Variants in SQLE observed in about 807,000 individuals in gnomAD.
SQLE encodes squalene monooxygenase.
In SQLE, 29 loss-of-function variants were observed where a neutral mutation model predicts 60.7. The observed-to-expected ratio is 0.48, with a 90% CI of 0.36 to 0.65. The LOEUF (loss-of-function observed/expected upper bound fraction) is 0.65. Among genes scored for constraint, SQLE ranks in the 30% least tolerant of loss-of-function variants. The pLI, the probability that SQLE is intolerant of heterozygous loss-of-function variation, is 0.00. For missense variants in SQLE, 605 were observed against 684.1 expected (o/e 0.88, Z 1.29); for synonymous variants, 237 against 246.8 (o/e 0.96, Z 0.37).
At chr8:125,002,844 G>A (rs1814878580) in intron 1 of SQLE, among the ~76,000 whole-genome samples, 1 of 152,166 alleles carries the variant, frequency 6.6e-6, no homozygotes, top group Admixed American at 6.6e-5. Context: ...CCTATAATAA[G>A]TCTTTGAAGC....
chr8:124,998,799 A>AGGCGTCGGCGTC lies in SQLE; in HGVS notation c.-594_-593insCGGCGTCGGCGT, dbSNP rs200396489. Reference sequence around the variant, plus strand: ...GTCCGAGGCCATCTTTTGTTGGAGAAGGCGTCGGCGTTGGCGTTTTCCCGA... The same window carrying AGGCGTCGGCGTC: ...GTCCGAGGCCATCTTTTGTTGGAGAAGGCGTCGGCGTCGGCGTCGGCGTTGGCGTTTTCCCGA... On this transcript the variant is annotated 5_prime_UTR_variant, in exon 1 of 11. Transcript: ENST00000265896. The AGGCGTCGGCGTC allele has an allele frequency of 2.0e-6, 1 of 490,988 alleles. No homozygotes were observed. The highest frequency in any genetic ancestry group is 3.6e-6 in the Non-Finnish European group (1 of 275,470). 30.4% of individuals were successfully genotyped at this position (490,988 alleles called of 1,614,324 possible).
chr8:125,007,009 A>G (rs1485739239), intron 3 of SQLE, among the ~76,000 whole-genome samples: 2 of 152,134 alleles, frequency 1.3e-5, no homozygotes, highest in Non-Finnish European at 2.9e-5. Context: ...TGCCAGAAAT[A>G]ATTACTCTTA....
chr8:125,021,439 C>T (rs939029100), intron 10 of SQLE, among the ~76,000 whole-genome samples: 1 of 143,800 alleles, frequency 7.0e-6, no homozygotes, highest in Admixed American at 7.4e-5. Context: ...GATGAGTAAA[C>T]AAACAGCTAA....
chr8:125,006,400 C>T (rs1004051215), intron 3 of SQLE, among the ~76,000 whole-genome samples: 3 of 151,956 alleles, frequency 2.0e-5, no homozygotes, highest in Non-Finnish European at 4.4e-5. Flanking sequence ...GTGGGCAGAT[C>T]ACGAGGTCAG....
At chr8:125,003,976 C>T (rs556487499) in intron 2 of SQLE, among the ~76,000 whole-genome samples, 4 of 152,072 alleles carry the variant, frequency 2.6e-5, no homozygotes, top group South Asian at 2.1e-4. Flanking sequence ...CTAATCCTAT[C>T]GTGAGAGTCT....
At position 125,018,184 on chromosome 8, in the gene SQLE, G is replaced by A. The variant is rs1433135876; in HGVS notation, c.1330G>A (p.Asp444Asn). 1 of 1,602,480 alleles carries A rather than the reference G, an allele frequency of 6.2e-7. No homozygotes were observed. Among genetic ancestry groups the A allele is most frequent in the Non-Finnish European group, 8.5e-7 (1 of 1,177,146 alleles). The change falls in exon 8 of 11, where the codon GAT (aspartate) becomes AAT (asparagine). Residue 444 changes from aspartate (D) to asparagine (N), a missense_variant. By Grantham distance (23) the Asp-to-Asn change is conservative. Transcript: ENST00000265896. ...LLKGIPDLYD[D>N]AAIFEAKKSF... ...AAAGGGTATCCCTGACCTTTATGAT[G>A]ATGCAGCTATTTTCGAGGTAAGATC...
Position 125,021,929 on chromosome 8 carries a change from A to G in SQLE, c.1709A>G (p.Lys570Arg). 1 of 1,600,198 alleles carries G rather than the reference A, an allele frequency of 6.2e-7. No homozygotes were observed. Among genetic ancestry groups the G allele is most frequent in the Non-Finnish European group, 8.5e-7 (1 of 1,172,176 alleles). Residue 570 changes from lysine (K) to arginine (R), a missense_variant, in exon 11 of 11, where the codon AAG becomes AGG. Lys to Arg is a conservative substitution (Grantham distance 26). Coordinates refer to ENST00000265896, the MANE Select transcript of SQLE (RefSeq NM_003129.4). The part of the protein sequence containing the change: ...VIFPLIYSEM[K>R]YMVH The stretch of plus-strand genomic sequence containing the variant: ...TTTCCTCTAATTTACTCAGAAATGA[A>G]GTATATGGTTCATTAAGCTTAAAGG...
At position 125,010,507 on chromosome 8, in the gene SQLE, C is replaced by T. The variant is rs185207409; in HGVS notation, c.1109-1030C>T. 5.3e-5 allele frequency among the ~76,000 whole-genome samples: 8 copies of T among 151,174 alleles called. No homozygotes were observed. The East Asian group carries it at 5.9e-4, about 11-fold the overall frequency. On this transcript the variant is annotated intron_variant, in intron 6 of 10. Transcript: ENST00000265896. Reference sequence around the variant, plus strand: ...ATGAGTACATTTTGTTTAAATATTCCGTTTTTTTCAAGTTATTTTTTAAAC... The same window carrying T: ...ATGAGTACATTTTGTTTAAATATTCTGTTTTTTTCAAGTTATTTTTTAAAC...
intron 9 of SQLE, among the ~76,000 whole-genome samples, chr8:125,020,527 C>A (rs1157274721): frequency 6.6e-6 from 1 of 151,986 alleles, no homozygotes; most frequent in East Asian, 1.9e-4. Flanking sequence ...CAAGGAAGTA[C>A]CTTTTAAACA....
At position 125,005,551 on chromosome 8, in the gene SQLE, G is replaced by T; in HGVS notation, c.571G>T (p.Val191Phe). Residue 191 changes from valine (V) to phenylalanine (F), a missense_variant, in exon 3 of 11, where the codon GTT (valine) becomes TTT (phenylalanine). Transcript: ENST00000265896. ...TACAGTGGAAGGTCTTGATGCCCAGGTTGTAAATGGTTACATGATTCATGA... is the reference window on the plus strand; with the variant it reads ...TACAGTGGAAGGTCTTGATGCCCAGTTTGTAAATGGTTACATGATTCATGA... Reference protein sequence around the residue: ...GDTVEGLDAQVVNGYMIHDQE... With the variant: ...GDTVEGLDAQFVNGYMIHDQE... The T allele has an allele frequency of 6.2e-7, 1 of 1,606,416 alleles. No individual in the cohort carries two copies. The highest frequency in any genetic ancestry group is 8.5e-7 in the Non-Finnish European group (1 of 1,175,294).
At chr8:125,017,748 AAGG>A (rs1815132591) in intron 7 of SQLE, among the ~76,000 whole-genome samples, 1 of 152,136 alleles carries the variant, frequency 6.6e-6, no homozygotes, top group Non-Finnish European at 1.5e-5. Flanking sequence ...TTCATATTTT[AAGG>A]AGGCCTTACA....
Position 125,021,652 on chromosome 8 carries a change from A to G in SQLE, c.1533-101A>G, listed in dbSNP as rs1026284397. 15 of 813,144 alleles carry G rather than the reference A, an allele frequency of 1.8e-5. No individual in the cohort carries two copies. The Admixed American group carries it at 4.3e-4, about 24-fold the overall frequency. The allele number at this position is 813,144 out of a possible 1,614,324, so 50.4% of individuals were successfully genotyped here. ...GAATTATGATGCTTGGGTAAAAAAAAGTAGGATGTTTGTTGAGCTTCGTAG... is the reference window on the plus strand; with the variant it reads ...GAATTATGATGCTTGGGTAAAAAAAGGTAGGATGTTTGTTGAGCTTCGTAG... On this transcript the variant is annotated intron_variant, in intron 10 of 10. Transcript: ENST00000265896.
At position 125,018,064 on chromosome 8, in the gene SQLE, C is replaced by A; in HGVS notation, c.1210C>A (p.Leu404Ile). 6.2e-7 allele frequency: 1 copy of A among 1,613,126 alleles called. No individual in the cohort carries two copies. The highest frequency in any genetic ancestry group is 1.1e-5 in the South Asian group (1 of 90,934). The change falls in exon 8 of 11, where the codon CTT becomes ATT. Residue 404 changes from leucine to isoleucine, a missense_variant. Leu to Ile is a conservative substitution (Grantham distance 5). Transcript: ENST00000265896. ...PPSSVKKRGV[L>I]LLGDAYNMRH... ...TTCATTACCTCTCTTCATAGGTGTTCTTCTTTTGGGAGACGCATATAATAT... is the reference window on the plus strand; with the variant it reads ...TTCATTACCTCTCTTCATAGGTGTTATTCTTTTGGGAGACGCATATAATAT...
rs995919932 is a variant in SQLE at position 124,998,534 on chromosome 8, G to T, written c.-870G>T. 9.0e-6 allele frequency: 6 copies of T among 669,770 alleles called. No individual in the cohort carries two copies. The highest frequency in any genetic ancestry group is 1.6e-5 in the Non-Finnish European group (6 of 370,034). The allele number at this position is 669,770 out of a possible 1,614,324, so 41.5% of individuals were successfully genotyped here. A position where few individuals can be genotyped will look rare whatever the true frequency, so the allele number is the denominator to read the frequency against. On this transcript the variant is annotated 5_prime_UTR_variant, in exon 1 of 11. Coordinates refer to ENST00000265896, the MANE Select transcript of SQLE (RefSeq NM_003129.4). ...CGCGTGGAGCCTGGCGGCGAGTGGG[G>T]GCGTGCGACGGTTACTCTGGTTACT...
rs1815001156 is a variant in SQLE, at chr8:125,009,078, T to G, written c.930T>G (p.Leu310=). 1 of 1,594,314 alleles carries G rather than the reference T, an allele frequency of 6.3e-7. No homozygotes were observed. Among genetic ancestry groups the G allele is most frequent in the Non-Finnish European group, 8.5e-7 (1 of 1,173,060 alleles). ...TATCATCTCATTTTGTTGGCTTTCT[T>G]ATGAAGGTACTGTAGGAGTGTGTTA... ...VSVSSHFVGF[L]MKNAPQFKAN... The change falls in exon 5 of 11, where the codon CTT becomes CTG. Residue 310 remains leucine, a synonymous_variant. Transcript: ENST00000265896.
rs1284767148 is a variant in SQLE, at chr8:125,011,555, T to C, written c.1127T>C (p.Phe376Ser). Residue 376 changes from phenylalanine to serine, a missense_variant, in exon 7 of 11, where the codon TTC (phenylalanine) becomes TCC (serine). By Grantham distance (155) the Phe-to-Ser change is radical (BLOSUM62 -2). Coordinates refer to ENST00000265896, the MANE Select transcript of SQLE (RefSeq NM_003129.4). ...ATTGCAGATCACCTGAAAGAACCATTCTTAGAAGCCACTGACAATTCTCAT... is the reference window on the plus strand; with the variant it reads ...ATTGCAGATCACCTGAAAGAACCATCCTTAGAAGCCACTGACAATTCTCAT... ...PQIPDHLKEP[F>S]LEATDNSHLR... is the part of the protein sequence containing the mutation. 3 of 1,584,414 alleles carry C rather than the reference T, an allele frequency of 1.9e-6. No homozygotes were observed. The highest frequency in any genetic ancestry group is 2.6e-6 in the Non-Finnish European group (3 of 1,163,738).
rs1450185944 is a variant in SQLE, at chr8:125,016,372, C to A, written c.1205-1687C>A. On this transcript the variant is annotated intron_variant, in intron 7 of 10. Coordinates refer to ENST00000265896, the MANE Select transcript of SQLE (RefSeq NM_003129.4). The surrounding 1 kb of genome is among the most constrained non-coding windows in gnomAD (Gnocchi z 4.1). ...TTACTAATTCTTTCTTCTGCTTGAT[C>A]AGTTCTACTGTTGAGATTCTGCCAT... Among the ~76,000 whole-genome samples, 1 of 151,964 alleles carries A rather than the reference C, an allele frequency of 6.6e-6. No individual in the cohort carries two copies. Among genetic ancestry groups the A allele is most frequent in the African/African-American group, 2.4e-5 (1 of 41,366 alleles).
rs964852476 is a variant in SQLE at position 125,016,635 on chromosome 8, A to G, written c.1205-1424A>G. Among the ~76,000 whole-genome samples the G allele has an allele frequency of 5.9e-5, 9 of 152,012 alleles. No homozygotes were observed. Among genetic ancestry groups the G allele is most frequent in the Non-Finnish European group, 1.0e-4 (7 of 68,008 alleles). On this transcript the variant is annotated intron_variant, in intron 7 of 10. Transcript: ENST00000265896. This position sits in a 1 kb window ranked among gnomAD's most constrained non-coding sequence, Gnocchi z 4.1. ...TTATTATTGTTAATTTAGTGAGTTC[A>G]TGTTTTCCTGGATGGTTTTGATGAC... is the stretch of plus-strand genomic sequence containing the variant.
At chr8:125,010,608 A>G (rs1320727804) in intron 6 of SQLE, among the ~76,000 whole-genome samples, 1 of 152,200 alleles carries the variant, frequency 6.6e-6, no homozygotes, top group Non-Finnish European at 1.5e-5. Context: ...GATTTTAAAT[A>G]ATGACATTTT....
Sources: gnomAD v4.1 joint callset for allele counts (sites outside exome capture counted in the v4.1 genomes callset) on GRCh38, gnomAD v4.1.1 for gene constraint, Gnocchi (gnomAD v3.1) non-coding constraint, MANE v1.5 for transcripts, NCBI Gene and HGNC (gene_info 2026-07-23, HGNC 2026-07-21) for gene names.